APCDD1L: variants seen among roughly 807,000 people sequenced by gnomAD.
The protein encoded by APCDD1L is protein APCDD1-like.
Under a neutral mutation model 24.2 loss-of-function variants are expected in APCDD1L, and 21 were observed. That is an observed-to-expected ratio of 0.87 (90% CI 0.61 to 1.25). The LOEUF is 1.25. Among genes scored for constraint, APCDD1L ranks in the 50% most tolerant of loss-of-function variants. The probability of loss-of-function intolerance (pLI) is 0.00; values close to 1 mark genes in which losing one functional copy is unlikely to be tolerated. For missense variants in APCDD1L, 704 were observed against 711.7 expected, an observed-to-expected ratio of 0.99 and a Z score of 0.12; for synonymous variants, 321 against 323.6, an observed-to-expected ratio of 0.99 and a Z score of 0.09.
At position 58,497,967 on chromosome 20, in the gene APCDD1L, C is replaced by T. The variant is rs541203724; in HGVS notation, c.49+16692G>A. ...GTTTGTGCATCTCTCCAGATCTTTT[C>T]CTCTGGGGGCATATGCATAAATATA... On this transcript the variant is annotated intron_variant, in intron 1 of 3. Coordinates refer to ENST00000371149, the MANE Select transcript of APCDD1L (RefSeq NM_153360.3). The surrounding 1 kb of genome is among the most constrained non-coding windows in gnomAD (Gnocchi z 4.3). Among the ~76,000 whole-genome samples the T allele has an allele frequency of 1.5e-4, 23 of 152,290 alleles. No homozygotes were observed. In the South Asian group the frequency reaches 3.5e-3, roughly 23 times the overall value.
rs1990561815 is a variant in APCDD1L at position 58,508,422 on chromosome 20, C to G, written c.49+6237G>C. On this transcript the variant is annotated intron_variant, in intron 1 of 3. Transcript: ENST00000371149. The surrounding 1 kb of genome is among the most constrained non-coding windows in gnomAD (Gnocchi z 4.0). ...CATGGCTGAGACTGTGTCCATAAAT[C>G]AAGAGAGACTCCAGCTGATGTGCTT... is the stretch of plus-strand genomic sequence containing the variant. Among the ~76,000 whole-genome samples, 1 of 152,194 alleles carries G rather than the reference C, an allele frequency of 6.6e-6. No individual in the cohort carries two copies. Among genetic ancestry groups the G allele is most frequent in the Non-Finnish European group, 1.5e-5 (1 of 68,036 alleles).
rs374327131 is a variant in APCDD1L at position 58,508,521 on chromosome 20, T to C, written c.49+6138A>G. On this transcript the variant is annotated intron_variant, in intron 1 of 3. Transcript: ENST00000371149. This position sits in a 1 kb window ranked among gnomAD's most constrained non-coding sequence, Gnocchi z 4.0. ...AGTGGTTGACATCCTCGATTAGATGTTGGCATTGGTGGTGGGGGGAAGAGA... is the reference window on the plus strand; with the variant it reads ...AGTGGTTGACATCCTCGATTAGATGCTGGCATTGGTGGTGGGGGGAAGAGA... Among the ~76,000 whole-genome samples, 1 of 152,138 alleles carries C rather than the reference T, an allele frequency of 6.6e-6. No individual in the cohort carries two copies. The highest frequency in any genetic ancestry group is 2.4e-5 in the African/African-American group (1 of 41,430).
chr20:58,461,657 A>G lies in APCDD1L; in HGVS notation c.742-103T>C. 8.3e-7 allele frequency: 1 copy of G among 1,207,750 alleles called. No homozygotes were observed. Among genetic ancestry groups the G allele is most frequent in the Non-Finnish European group, 1.1e-6 (1 of 937,606 alleles). The allele number at this position is 1,207,750 out of a possible 1,614,324, so 74.8% of individuals were successfully genotyped here. On this transcript the variant is annotated intron_variant, in intron 3 of 3. Coordinates refer to ENST00000371149, the MANE Select transcript of APCDD1L (RefSeq NM_153360.3). The surrounding 1 kb of genome is among the most constrained non-coding windows in gnomAD (Gnocchi z 6.0). ...TCTGTAGGGGTGTCAAGGCAGGGTGAGGTGCGGCCTGTCCCTCCCTCCTCT... is the reference window on the plus strand; with the variant it reads ...TCTGTAGGGGTGTCAAGGCAGGGTGGGGTGCGGCCTGTCCCTCCCTCCTCT...
At chr20:58,512,139 A>G (rs1022423330) in intron 1 of APCDD1L, among the ~76,000 whole-genome samples, 5 of 152,362 alleles carry the variant, frequency 3.3e-5, no homozygotes, top group East Asian at 1.9e-4. Flanking sequence ...CCATGCGGAC[A>G]TGTTCAGATA....
chr20:58,461,509 C>A lies in APCDD1L; in HGVS notation c.787G>T (p.Asp263Tyr), dbSNP rs894992227. The A allele has an allele frequency of 2.1e-6, 3 of 1,449,882 alleles. No individual in the cohort carries two copies. In the Admixed American group the frequency reaches 8.5e-5, roughly 41 times the overall value. The allele number at this position is 1,449,882 out of a possible 1,614,324, so 89.8% of individuals were successfully genotyped here. A position where few individuals can be genotyped will look rare whatever the true frequency, so the allele number is the denominator to read the frequency against. ...GGCAGCACGGGCGGGTGGTGCACAT[C>A]GGAGCGGGCAATGAGGCCACAGGCT... ...CPACGLIARS[D>Y]VHHPPVLPPP... is the part of the protein sequence containing the mutation. The change falls in exon 4 of 4, where the codon GAT (aspartate) becomes TAT (tyrosine). Residue 263 changes from aspartate (D) to tyrosine (Y), a missense_variant. Asp to Tyr is a radical substitution (Grantham distance 160, BLOSUM62 -3). Coordinates refer to ENST00000371149, the MANE Select transcript of APCDD1L (RefSeq NM_153360.3). The surrounding 1 kb of genome is among the most constrained non-coding windows in gnomAD (Gnocchi z 6.0).
intron 1 of APCDD1L, among the ~76,000 whole-genome samples, chr20:58,513,638 C>T (rs998788387): frequency 6.6e-6 from 1 of 152,200 alleles, no homozygotes; most frequent in African/African-American, 2.4e-5. Flanking sequence ...CCCCTCTTCA[C>T]CCCGGGGTTC....
intron 3 of APCDD1L, among the ~76,000 whole-genome samples, chr20:58,466,640 CG>C (rs1282304384): frequency 6.6e-6 from 1 of 152,252 alleles, no homozygotes; most frequent in Non-Finnish European, 1.5e-5. Flanking sequence ...AAGGACCTAG[CG>C]CCAGAGGGAG....
At chr20:58,493,305 T>G (rs1237674437) in intron 1 of APCDD1L, among the ~76,000 whole-genome samples, 1 of 152,240 alleles carries the variant, frequency 6.6e-6, no homozygotes, top group East Asian at 1.9e-4. Flanking sequence ...GAAAAGACAC[T>G]GGTTGGGCCC....
Position 58,467,068 on chromosome 20 carries a change from A to G in APCDD1L, c.741+38T>C. 1.9e-6 allele frequency: 3 copies of G among 1,552,178 alleles called. No homozygotes were observed. Among genetic ancestry groups the G allele is most frequent in the Non-Finnish European group, 2.6e-6 (3 of 1,152,736 alleles). On this transcript the variant is annotated intron_variant, in intron 3 of 3. Transcript: ENST00000371149. This position sits in a 1 kb window ranked among gnomAD's most constrained non-coding sequence, Gnocchi z 5.9. The stretch of plus-strand genomic sequence containing the variant: ...GTTCCGAGCTCGCCTCCCCGAGACC[A>G]CCACCCCCCTCTCCCACACCCCAAC...
chr20:58,468,254 C>A (rs1425856056), intron 2 of APCDD1L, among the ~76,000 whole-genome samples: 1 of 152,180 alleles, frequency 6.6e-6, no homozygotes, highest in Non-Finnish European at 1.5e-5. Flanking sequence ...GCTAATGCAG[C>A]TATAGATGAT....
At chr20:58,486,545 C>G (rs1025335830) in intron 1 of APCDD1L, among the ~76,000 whole-genome samples, 4 of 152,038 alleles carry the variant, frequency 2.6e-5, no homozygotes, top group African/African-American at 9.7e-5. Context: ...AGAGGAGATG[C>G]AATTGGTGAA....
At chr20:58,462,704 T>A (rs1466795311) in intron 3 of APCDD1L, among the ~76,000 whole-genome samples, 1 of 151,880 alleles carries the variant, frequency 6.6e-6, no homozygotes, top group Admixed American at 6.6e-5. Flanking sequence ...ATTAGCCTGG[T>A]GTGGTGGCAC....
intron 1 of APCDD1L, among the ~76,000 whole-genome samples, chr20:58,471,425 C>T (rs1321713332): frequency 6.6e-6 from 1 of 152,230 alleles, no homozygotes; most frequent in African/African-American, 2.4e-5. Context: ...CAGGCCCTGC[C>T]CTTCTTCAGG....
chr20:58,504,860 C>T (rs1289380946), intron 1 of APCDD1L, among the ~76,000 whole-genome samples: 1 of 152,216 alleles, frequency 6.6e-6, no homozygotes, highest in Non-Finnish European at 1.5e-5. Flanking sequence ...GGTGATCCCA[C>T]TTCTGACACC....
chr20:58,510,990 A>G, intron 1 of APCDD1L, among the ~76,000 whole-genome samples: 1 of 152,242 alleles, frequency 6.6e-6, no homozygotes, highest in East Asian at 1.9e-4. Flanking sequence ...TGGAGACTTT[A>G]GAGCAGCATC....
Position 58,461,668 on chromosome 20 carries a change from GT to G in APCDD1L, c.742-115del. 11 of 1,095,136 alleles carry G rather than the reference GT, an allele frequency of 1.0e-5. No individual in the cohort carries two copies. The highest frequency in any genetic ancestry group is 1.2e-5 in the Non-Finnish European group (10 of 841,898). 67.8% of individuals were successfully genotyped at this position (1,095,136 alleles called of 1,614,324 possible). On this transcript the variant is annotated intron_variant, in intron 3 of 3. Coordinates refer to ENST00000371149, the MANE Select transcript of APCDD1L (RefSeq NM_153360.3). This position sits in a 1 kb window ranked among gnomAD's most constrained non-coding sequence, Gnocchi z 6.0. ...GTCAAGGCAGGGTGAGGTGCGGCCT[GT>G]CCCTCCCTCCTCTCTCTCCTCACTC...
Position 58,514,751 on chromosome 20 carries a change from G to A in APCDD1L, c.-44C>T. 1.6e-6 allele frequency: 2 copies of A among 1,276,688 alleles called. No homozygotes were observed. The highest frequency in any genetic ancestry group is 7.4e-5 in the South Asian group (2 of 26,896). The allele number at this position is 1,276,688 out of a possible 1,614,324, so 79.1% of individuals were successfully genotyped here. On this transcript the variant is annotated 5_prime_UTR_variant, in exon 1 of 4. Coordinates refer to ENST00000371149, the MANE Select transcript of APCDD1L (RefSeq NM_153360.3). ...ACCGCCCGCCGGGCGCTGCCACGGT[G>A]CGCAAGGGGAGGCGCGGGCGCAGGG...
intron 1 of APCDD1L, among the ~76,000 whole-genome samples, chr20:58,480,420 G>A (rs978432573): frequency 6.6e-6 from 1 of 152,194 alleles, no homozygotes; most frequent in African/African-American, 2.4e-5. Flanking sequence ...ACAGGGTTTG[G>A]TTAGCTACTG....
chr20:58,498,947 T>C (rs1600873393), intron 1 of APCDD1L, among the ~76,000 whole-genome samples: 1 of 152,232 alleles, frequency 6.6e-6, no homozygotes, highest in Non-Finnish European at 1.5e-5. Flanking sequence ...GGGTGGCTGG[T>C]TCCCCCCTTG....
Sources: gnomAD v4.1 joint callset for allele counts (sites outside exome capture counted in the v4.1 genomes callset) on GRCh38, gnomAD v4.1.1 for gene constraint, Gnocchi (gnomAD v3.1) non-coding constraint, MANE v1.5 for transcripts, NCBI Gene and HGNC (gene_info 2026-07-23, HGNC 2026-07-21) for gene names.